The following RAB38 variants were observed in gnomAD, a reference collection of about 807,000 sequenced individuals.
The protein encoded by RAB38 is RAB38, member RAS oncogene family, also known as ras-related protein Rab-38.
RAB38 carries 15 observed loss-of-function variants against 18.4 expected under a neutral mutation model. The observed-to-expected ratio is 0.82, with a 90% CI of 0.55 to 1.26. RAB38 has a LOEUF of 1.26. Among genes scored for constraint, RAB38 ranks in the 50% most tolerant of loss-of-function variants. RAB38 has a pLI of 0.00. For missense variants in RAB38, 294 were observed against 267.4 expected (o/e 1.10, Z -0.69); for synonymous variants, 101 against 104.4 (o/e 0.97, Z 0.20).
At chr11:88,119,040 C>T (rs1038241401) in intron 2 of RAB38, among the ~76,000 whole-genome samples, 1 of 152,120 alleles carries the variant, frequency 6.6e-6, no homozygotes, top group Non-Finnish European at 1.5e-5. Flanking sequence ...ATCCTACTCC[C>T]CATACATTAC....
At chr11:88,112,792 A>AC (rs1484714150), downstream of RAB38, among the ~76,000 whole-genome samples, 6 of 112,964 alleles carry the variant, frequency 5.3e-5, no homozygotes, top group African/African-American at 9.1e-5. Context: ...AACAACAACA[A>AC]AATATATATA....
the RAB38 span, among the ~76,000 whole-genome samples, chr11:88,040,226 A>C: frequency 6.6e-6 from 1 of 152,198 alleles, no homozygotes; most frequent in African/African-American, 2.4e-5. Context: ...TAGAAGTTAG[A>C]GATCAGAGTA....
chr11:87,845,598 G>C, the RAB38 span, among the ~76,000 whole-genome samples: 1 of 152,136 alleles, frequency 6.6e-6, no homozygotes, highest in East Asian at 1.9e-4. Context: ...AAAAGGGGTG[G>C]GGTGGGAGAG....
the RAB38 span, among the ~76,000 whole-genome samples, chr11:87,975,604 T>G: frequency 6.6e-6 from 1 of 151,964 alleles, no homozygotes; most frequent in East Asian, 1.9e-4. Context: ...TGGTAACATT[T>G]TATTGTGAAG....
chr11:88,022,324 A>T, the RAB38 span, among the ~76,000 whole-genome samples: 1 of 152,048 alleles, frequency 6.6e-6, no homozygotes, highest in Non-Finnish European at 1.5e-5. Context: ...CCCTCAAAAA[A>T]AAAAGAGTAC....
At chr11:88,034,594 GCTA>G in the RAB38 span, among the ~76,000 whole-genome samples, 1 of 152,094 alleles carries the variant, frequency 6.6e-6, no homozygotes, top group African/African-American at 2.4e-5. Context: ...GTCACTAGTG[GCTA>G]CTGATGTTGA....
chr11:88,032,175 A>G, the RAB38 span, among the ~76,000 whole-genome samples: 10 of 152,254 alleles, frequency 6.6e-5, no homozygotes, highest in African/African-American at 2.4e-4. Flanking sequence ...CTGGCTAGCC[A>G]TATGTAGAAA....
chr11:87,833,290 A>G, the RAB38 span, among the ~76,000 whole-genome samples: 1 of 152,118 alleles, frequency 6.6e-6, no homozygotes, highest in Non-Finnish European at 1.5e-5. Flanking sequence ...AGTAACAATA[A>G]CCTACTTGTA....
chr11:87,912,484 G>T, the RAB38 span, among the ~76,000 whole-genome samples: 1 of 151,932 alleles, frequency 6.6e-6, no homozygotes, highest in African/African-American at 2.4e-5. Flanking sequence ...ATTGCATAAA[G>T]TTATTCATAA....
At chr11:87,940,103 T>C in the RAB38 span, among the ~76,000 whole-genome samples, 54 of 150,214 alleles carry the variant, frequency 3.6e-4, no homozygotes, top group African/African-American at 1.3e-3. Flanking sequence ...GATAAATCTC[T>C]AGTCATACTA....
chr11:87,953,185 A>C, the RAB38 span, among the ~76,000 whole-genome samples: 1 of 151,408 alleles, frequency 6.6e-6, no homozygotes, highest in East Asian at 1.9e-4. Context: ...AAGCTAGATA[A>C]AGTCATTGTC....
At chr11:87,940,503 T>C in the RAB38 span, among the ~76,000 whole-genome samples, 7 of 152,140 alleles carry the variant, frequency 4.6e-5, no homozygotes, top group Admixed American at 4.6e-4. Context: ...TTGATATGTG[T>C]CTGCCTGTGT....
At chr11:88,070,431 G>A in the RAB38 span, among the ~76,000 whole-genome samples, 4 of 152,120 alleles carry the variant, frequency 2.6e-5, no homozygotes, top group African/African-American at 7.2e-5. Flanking sequence ...GAGGGTCCGC[G>A]GCTTCATTCT....
the RAB38 span, among the ~76,000 whole-genome samples, chr11:87,864,085 G>C: frequency 6.6e-6 from 1 of 151,722 alleles, no homozygotes; most frequent in East Asian, 2.0e-4. Flanking sequence ...GGCTTTGAGA[G>C]AGTAACTCTT....
chr11:88,073,386 C>T, the RAB38 span, among the ~76,000 whole-genome samples: 1 of 152,060 alleles, frequency 6.6e-6, no homozygotes, highest in Admixed American at 6.5e-5. Context: ...TTGGAACCCC[C>T]CTCTTTTGGA....
chr11:88,034,272 TTTG>T, the RAB38 span, among the ~76,000 whole-genome samples: 1 of 152,230 alleles, frequency 6.6e-6, no homozygotes, highest in Non-Finnish European at 1.5e-5. Flanking sequence ...CAATTTGCAG[TTTG>T]TTTACAGTTT....
the RAB38 span, among the ~76,000 whole-genome samples, chr11:87,953,534 G>A: frequency 2.0e-5 from 3 of 150,758 alleles, no homozygotes; most frequent in Non-Finnish European, 4.4e-5. Flanking sequence ...ATGTGAATGT[G>A]GGCTCTCTTT....
chr11:87,925,929 C>A, the RAB38 span, among the ~76,000 whole-genome samples: 1 of 151,888 alleles, frequency 6.6e-6, no homozygotes, highest in African/African-American at 2.4e-5. Flanking sequence ...ATACCTGCCA[C>A]GCTACGATCA....
At chr11:88,143,817 C>T (rs924268838) in intron 2 of RAB38, among the ~76,000 whole-genome samples, 5 of 152,152 alleles carry the variant, frequency 3.3e-5, no homozygotes, top group African/African-American at 9.7e-5. Flanking sequence ...AGCCTCTGAT[C>T]GTTCATTTCT....
Sources: gnomAD v4.1 joint callset for allele counts (sites outside exome capture counted in the v4.1 genomes callset) on GRCh38, gnomAD v4.1.1 for gene constraint, MANE v1.5 for transcripts, NCBI Gene and HGNC (gene_info 2026-07-23, HGNC 2026-07-21) for gene names.